The following NDST4 variants were observed in gnomAD, a reference collection of about 807,000 sequenced individuals.
NDST4 encodes N-deacetylase and N-sulfotransferase 4, also known as N-heparan sulfate sulfotransferase 4.
NDST4 carries 63 observed loss-of-function variants against 100.8 expected under a neutral mutation model. That is an observed-to-expected ratio of 0.62 (90% CI 0.51 to 0.77). The LOEUF (loss-of-function observed/expected upper bound fraction) is 0.77, where lower values mean the gene tolerates loss of function less well. Among genes scored for constraint, NDST4 ranks in the 30% least tolerant of loss-of-function variants. The pLI is 0.00. For synonymous variants in NDST4, 377 were observed against 361.8 expected (o/e 1.04, Z -0.48); for missense variants, 943 against 1,018.4 (o/e 0.93, Z 1.01).
rs371302871 is a variant in NDST4 at position 114,953,011 on chromosome 4, ATTTTTTTTCTTT to A, written c.1222-15520_1222-15509del. ...GAAAACCGGGCACACAAGTTGGCTC[ATTTTTTTTCTTT>A]TTTTTTTTCTTTTTTTTTTTTTGTG... On this transcript the variant is annotated intron_variant, in intron 4 of 13. Coordinates refer to ENST00000264363, the MANE Select transcript of NDST4 (RefSeq NM_022569.3). Among the ~76,000 whole-genome samples, 1,347 of 140,778 alleles carry A rather than the reference ATTTTTTTTCTTT, an allele frequency of 9.6e-3. 28 individuals carry two copies. Among genetic ancestry groups the A allele is most frequent in the African/African-American group, 0.032 (1,222 of 38,070 alleles). 92.4% of individuals were successfully genotyped at this position (140,778 alleles called of 152,430 possible).
chr4:114,950,941 C>T (rs1374903222), intron 4 of NDST4, among the ~76,000 whole-genome samples: 3 of 152,018 alleles, frequency 2.0e-5, no homozygotes, highest in Admixed American at 6.6e-5. Context: ...ATCTCAGCGT[C>T]TCGATCATTT....
At chr4:114,984,623 T>C (rs970462597) in intron 2 of NDST4, among the ~76,000 whole-genome samples, 3 of 152,218 alleles carry the variant, frequency 2.0e-5, no homozygotes, top group South Asian at 4.1e-4. Context: ...AGATAACTTA[T>C]ATTTATATTT....
chr4:114,882,114 C>T (rs967190438), intron 6 of NDST4, among the ~76,000 whole-genome samples: 4 of 151,612 alleles, frequency 2.6e-5, no homozygotes, highest in Admixed American at 2.0e-4. Flanking sequence ...ACTCTCTTCC[C>T]TCTCCTACTA....
chr4:114,872,892 A>G (rs1724178884), intron 6 of NDST4, among the ~76,000 whole-genome samples: 1 of 152,004 alleles, frequency 6.6e-6, no homozygotes, highest in Admixed American at 6.6e-5. Context: ...ACATATATAT[A>G]CATTGAGTTT....
At chr4:114,874,776 G>T (rs566910917) in intron 6 of NDST4, among the ~76,000 whole-genome samples, 4 of 152,242 alleles carry the variant, frequency 2.6e-5, no homozygotes, top group East Asian at 3.9e-4. Flanking sequence ...GAATTCAAAA[G>T]ATATGTGGTA....
intron 1 of NDST4, among the ~76,000 whole-genome samples, chr4:115,089,863 G>C (rs1729481313): frequency 6.6e-6 from 1 of 151,804 alleles, no homozygotes; most frequent in Non-Finnish European, 1.5e-5. Context: ...TTATCAACCA[G>C]ACCCCATTTG....
At chr4:115,003,077 C>T (rs1727332972) in intron 2 of NDST4, among the ~76,000 whole-genome samples, 1 of 151,964 alleles carries the variant, frequency 6.6e-6, no homozygotes, top group Non-Finnish European at 1.5e-5. Context: ...GGGGCCTGAC[C>T]AGGGCTGCAG....
In NDST4 at chr4:115,031,769, C is replaced by T. The variant is rs189733658; in HGVS notation, c.978+44290G>A. Reference sequence around the variant, plus strand: ...GGAGCTTCCTTAGATTTTTTTCTTCCCTTTTATAAACTAGAATTAAGAAAG... The same window carrying T: ...GGAGCTTCCTTAGATTTTTTTCTTCTCTTTTATAAACTAGAATTAAGAAAG... On this transcript the variant is annotated intron_variant, in intron 2 of 13. Coordinates refer to ENST00000264363, the MANE Select transcript of NDST4 (RefSeq NM_022569.3). Among the ~76,000 whole-genome samples the T allele has an allele frequency of 1.7e-3, 259 of 152,088 alleles. 1 individual carries two copies. Among genetic ancestry groups the T allele is most frequent in the African/African-American group, 6.0e-3 (250 of 41,522 alleles).
intron 1 of NDST4, among the ~76,000 whole-genome samples, chr4:115,085,510 C>T (rs146377020): frequency 3.3e-5 from 5 of 152,190 alleles, no homozygotes; most frequent in Admixed American, 1.3e-4. Context: ...ATAATTCCTA[C>T]GTGTCATAGA....
rs1723542187 is a variant in NDST4 at position 114,846,015 on chromosome 4, CAATT to C, written c.1941-22_1941-19del. The C allele has an allele frequency of 7.8e-6, 12 of 1,533,552 alleles. No homozygotes were observed. The highest frequency in any genetic ancestry group is 7.1e-6 in the Non-Finnish European group (8 of 1,125,666). The allele number at this position is 1,533,552 out of a possible 1,614,324, so 95.0% of individuals were successfully genotyped here. A position where few individuals can be genotyped will look rare whatever the true frequency, so the allele number is the denominator to read the frequency against. On this transcript the variant is annotated intron_variant, in intron 9 of 13. Coordinates refer to ENST00000264363, the MANE Select transcript of NDST4 (RefSeq NM_022569.3). ...CCATATACCTGAAGGCAGAGAAAGA[CAATT>C]AATTAATCTGAAAATAATTTTTCTT...
At chr4:114,905,520 T>A (rs1724932118) in intron 6 of NDST4, among the ~76,000 whole-genome samples, 1 of 151,918 alleles carries the variant, frequency 6.6e-6, no homozygotes, top group Non-Finnish European at 1.5e-5. Flanking sequence ...TATAAAAATA[T>A]AAGTTATTTG....
chr4:115,085,451 G>C (rs1729390879), intron 1 of NDST4, among the ~76,000 whole-genome samples: 1 of 152,060 alleles, frequency 6.6e-6, no homozygotes, highest in Non-Finnish European at 1.5e-5. Context: ...ATAATAATAT[G>C]GTTTGGCTCT....
chr4:114,947,651 A>G (rs1725895152), intron 4 of NDST4, among the ~76,000 whole-genome samples: 1 of 151,376 alleles, frequency 6.6e-6, no homozygotes, highest in African/African-American at 2.5e-5. Context: ...TTTCTATAGT[A>G]CTGTAGGCAG....
chr4:115,068,671 G>A (rs1263828229), intron 2 of NDST4, among the ~76,000 whole-genome samples: 2 of 150,014 alleles, frequency 1.3e-5, no homozygotes, highest in Non-Finnish European at 3.0e-5. Flanking sequence ...AAAAAAATTA[G>A]CCGGGTGTGG....
intron 6 of NDST4, among the ~76,000 whole-genome samples, chr4:114,927,833 T>C (rs192082326): frequency 6.6e-6 from 1 of 152,294 alleles, no homozygotes. Flanking sequence ...GATTGGCTTT[T>C]ATGTTTTAGA....
At chr4:115,068,136 T>C (rs1320717804) in intron 2 of NDST4, among the ~76,000 whole-genome samples, 2 of 151,918 alleles carry the variant, frequency 1.3e-5, no homozygotes, top group Admixed American at 1.3e-4. Context: ...CTATTAACTG[T>C]TTTTTTTAAA....
intron 1 of NDST4, among the ~76,000 whole-genome samples, chr4:115,091,826 T>C (rs1259013950): frequency 6.6e-6 from 1 of 152,152 alleles, no homozygotes; most frequent in African/African-American, 2.4e-5. Context: ...TGTTTTGAAA[T>C]CCTTTCCAAA....
intron 4 of NDST4, among the ~76,000 whole-genome samples, chr4:114,952,671 A>G (rs1310002461): frequency 6.6e-6 from 1 of 152,160 alleles, no homozygotes; most frequent in Non-Finnish European, 1.5e-5. Context: ...AATTGACGAG[A>G]ACCTTGGAGA....
chr4:114,929,041 TGTCC>T (rs1227310987), intron 6 of NDST4, among the ~76,000 whole-genome samples: 2,529 of 121,772 alleles, frequency 0.021, 57 homozygotes, highest in Middle Eastern at 0.039. Context: ...TCTGTCTGTC[TGTCC>T]GTCCGTCCGT....
Sources: gnomAD v4.1 joint callset for allele counts (sites outside exome capture counted in the v4.1 genomes callset) on GRCh38, gnomAD v4.1.1 for gene constraint, MANE v1.5 for transcripts, NCBI Gene and HGNC (gene_info 2026-07-23, HGNC 2026-07-21) for gene names.